Variants in FAM107B observed in about 807,000 individuals in gnomAD.
The protein encoded by FAM107B is protein FAM107B.
In FAM107B, 21 loss-of-function variants were observed where a neutral mutation model predicts 31.5. That is an observed-to-expected ratio of 0.67 (90% confidence interval 0.47 to 0.96). FAM107B has a LOEUF of 0.96. Among genes scored for constraint, FAM107B ranks in the 40% least tolerant of loss-of-function variants. FAM107B has a pLI of 0.00. For synonymous variants in FAM107B, 157 were observed against 141.5 expected, an observed-to-expected ratio of 1.11 and a Z score of -0.78; for missense variants, 452 against 377.1, an observed-to-expected ratio of 1.20 and a Z score of -1.64.
chr10:14,593,888 C>T (rs537059176), intron 2 of FAM107B, among the ~76,000 whole-genome samples: 105 of 152,056 alleles, frequency 6.9e-4, no homozygotes, highest in Middle Eastern at 3.4e-3. Flanking sequence ...GAAAAAATAC[C>T]GTTTAGATAT....
intron 2 of FAM107B, among the ~76,000 whole-genome samples, chr10:14,538,261 AAGAATG>A (rs1847842201): frequency 6.6e-6 from 1 of 152,234 alleles, no homozygotes; most frequent in Non-Finnish European, 1.5e-5. Flanking sequence ...TGATTTTTAT[AAGAATG>A]TTAATGGCAG....
At chr10:14,564,243 G>GT (rs1362773835) in intron 2 of FAM107B, among the ~76,000 whole-genome samples, 1 of 152,050 alleles carries the variant, frequency 6.6e-6, no homozygotes, top group Non-Finnish European at 1.5e-5. Context: ...CATTGACATT[G>GT]TGTTTGCTTG....
intron 1 of FAM107B, among the ~76,000 whole-genome samples, chr10:14,674,279 A>G (rs1355452972): frequency 6.6e-6 from 1 of 152,260 alleles, no homozygotes; most frequent in Non-Finnish European, 1.5e-5. Context: ...GCTCCTGCAC[A>G]GCAAAGGAAA....
intron 1 of FAM107B, among the ~76,000 whole-genome samples, chr10:14,732,901 ATATATTAATAT>A (rs934432319): frequency 6.1e-5 from 9 of 146,512 alleles, no homozygotes; most frequent in South Asian, 2.1e-4. Context: ...ACATTATAGA[ATATATTAATAT>A]TATATTAATA....
intron 1 of FAM107B, among the ~76,000 whole-genome samples, chr10:14,768,694 A>G (rs1017462300): frequency 6.6e-6 from 1 of 152,196 alleles, no homozygotes; most frequent in Non-Finnish European, 1.5e-5. Flanking sequence ...GTATTTTATC[A>G]CAATAAAATG....
intron 2 of FAM107B, among the ~76,000 whole-genome samples, chr10:14,642,372 T>G (rs116946336): frequency 0.034 from 5,230 of 152,306 alleles, 104 homozygotes; most frequent in Middle Eastern, 0.058. Flanking sequence ...GGCTTTCCAG[T>G]GGTTGAAACC....
intron 2 of FAM107B, among the ~76,000 whole-genome samples, chr10:14,644,252 C>T (rs1439741501): frequency 6.6e-6 from 1 of 152,250 alleles, no homozygotes; most frequent in Non-Finnish European, 1.5e-5. Flanking sequence ...GCACTCTTCT[C>T]ATTTAATTCC....
At chr10:14,642,608 C>G (rs1853655541) in intron 2 of FAM107B, among the ~76,000 whole-genome samples, 2 of 142,216 alleles carry the variant, frequency 1.4e-5, no homozygotes, top group Non-Finnish European at 3.1e-5. Flanking sequence ...TGGCCATGAC[C>G]TTGGTGTTTT....
intron 1 of FAM107B, among the ~76,000 whole-genome samples, chr10:14,753,010 T>G (rs1421064982): frequency 1.3e-5 from 2 of 152,078 alleles, no homozygotes; most frequent in Non-Finnish European, 2.9e-5. Context: ...GACTGAGTAA[T>G]TTTATCCACT....
At chr10:14,591,182 C>G (rs1852008617) in intron 2 of FAM107B, among the ~76,000 whole-genome samples, 1 of 152,078 alleles carries the variant, frequency 6.6e-6, no homozygotes, top group Non-Finnish European at 1.5e-5. Context: ...AAAAGATACT[C>G]TCTATCATGG....
chr10:14,542,951 T>A (rs1415455830), intron 2 of FAM107B, among the ~76,000 whole-genome samples: 1 of 152,242 alleles, frequency 6.6e-6, no homozygotes, highest in African/African-American at 2.4e-5. Context: ...ATGCAGCACA[T>A]TAATCTGCAA....
At chr10:14,536,561 C>T (rs1353642820) in intron 2 of FAM107B, among the ~76,000 whole-genome samples, 2 of 152,140 alleles carry the variant, frequency 1.3e-5, no homozygotes, top group Admixed American at 6.6e-5. Flanking sequence ...GCCTGAGTTC[C>T]GGTAAGAATT....
In FAM107B at chr10:14,648,500, G is replaced by A. The variant is rs376105151; in HGVS notation, c.469+19134C>T. Among the ~76,000 whole-genome samples, 83 of 152,330 alleles carry A rather than the reference G, an allele frequency of 5.4e-4. 1 individual carries two copies. The South Asian group carries it at 0.016, about 30-fold the overall frequency. ...TCAGGCTCCGAGGGGAAAAGAAACA[G>A]CTCTCAAAGCTCAGACGTCATGGTA... On this transcript the variant is annotated intron_variant, in intron 2 of 4. Transcript: ENST00000181796.
chr10:14,743,757 C>T (rs563861727), intron 1 of FAM107B, among the ~76,000 whole-genome samples: 3 of 152,254 alleles, frequency 2.0e-5, no homozygotes, highest in East Asian at 1.9e-4. Flanking sequence ...GTTACTGTAG[C>T]CTTGTAGTAT....
At chr10:14,721,125 G>C (rs1855902130) in intron 1 of FAM107B, among the ~76,000 whole-genome samples, 1 of 152,102 alleles carries the variant, frequency 6.6e-6, no homozygotes, top group Non-Finnish European at 1.5e-5. Context: ...ATAGTTTGCT[G>C]AGAATGATGG....
intron 2 of FAM107B, among the ~76,000 whole-genome samples, chr10:14,634,120 G>T (rs1853436351): frequency 6.6e-6 from 1 of 152,190 alleles, no homozygotes; most frequent in Non-Finnish European, 1.5e-5. Flanking sequence ...TTTCAGGCCA[G>T]GCGCTGTGGC....
intron 2 of FAM107B, among the ~76,000 whole-genome samples, chr10:14,582,663 C>T (rs1211133186): frequency 1.3e-5 from 2 of 152,104 alleles, no homozygotes; most frequent in Admixed American, 6.5e-5. Context: ...AGGCGTGAGC[C>T]ACCACACCCA....
intron 1 of FAM107B, among the ~76,000 whole-genome samples, chr10:14,720,446 G>A (rs1190697647): frequency 1.3e-5 from 2 of 152,094 alleles, no homozygotes; most frequent in African/African-American, 4.8e-5. Context: ...TAGAGACAGG[G>A]TTTTACCATG....
chr10:14,557,063 C>A (rs1378833593), intron 2 of FAM107B, among the ~76,000 whole-genome samples: 6 of 152,258 alleles, frequency 3.9e-5, no homozygotes, highest in Non-Finnish European at 8.8e-5. Context: ...CCACACTTCT[C>A]CTGACCCCTG....
Sources: gnomAD v4.1 joint callset for allele counts (sites outside exome capture counted in the v4.1 genomes callset) on GRCh38, gnomAD v4.1.1 for gene constraint, MANE v1.5 for transcripts, NCBI Gene and HGNC (gene_info 2026-07-23, HGNC 2026-07-21) for gene names.